Variants in SMC2 observed in about 807,000 individuals in gnomAD.
SMC2 encodes the protein structural maintenance of chromosomes protein 2.
A neutral mutation model predicts 142.6 loss-of-function variants in SMC2; 41 were observed. That is an observed-to-expected ratio of 0.29 (90% CI 0.22 to 0.37). SMC2 has a LOEUF of 0.37. SMC2 is among the 10% of genes least tolerant of loss of function. The pLI is 1.00. For missense variants in SMC2, 1,265 were observed against 1,373.7 expected, an observed-to-expected ratio of 0.92 and a Z score of 1.25; for synonymous variants, 463 against 457.5, an observed-to-expected ratio of 1.01 and a Z score of -0.15.
upstream of SMC2, among the ~76,000 whole-genome samples, chr9:104,093,902 C>T (rs141705043): frequency 8.5e-5 from 13 of 152,342 alleles, no homozygotes; most frequent in East Asian, 2.5e-3. Flanking sequence ...CCGACGAGAA[C>T]ACTCATAGAA....
rs769337879 is a variant in SMC2, at chr9:104,095,422, C to T, written c.38C>T (p.Ser13Phe). Residue 13 changes from serine (S) to phenylalanine (F), a missense_variant, in exon 2 of 25, where the codon TCC (serine) becomes TTC (phenylalanine). This residue lies in a region of SMC2 where 168 missense variants were observed against 184.8 expected (regional missense o/e 0.91). Coordinates refer to ENST00000374793, the MANE Select transcript of SMC2 (RefSeq NM_006444.3). ...IKSIILEGFKSYAQRTEVNGF... is the reference protein window; with the variant it reads ...IKSIILEGFKFYAQRTEVNGF... ...TCAATTATTCTAGAGGGATTCAAGTCCTATGCTCAGAGGACCGAAGTCAAT... is the reference window on the plus strand; with the variant it reads ...TCAATTATTCTAGAGGGATTCAAGTTCTATGCTCAGAGGACCGAAGTCAAT... 1 of 1,613,738 alleles carries T rather than the reference C, an allele frequency of 6.2e-7. No individual in the cohort carries two copies. Among genetic ancestry groups the T allele is most frequent in the Non-Finnish European group, 8.5e-7 (1 of 1,179,952 alleles).
chr9:104,127,290 C>A lies in SMC2; in HGVS notation c.2600C>A (p.Ser867Ter). The change falls in exon 20 of 25, where the codon TCA becomes TAA. Residue 867 changes from serine (S) to a stop codon, truncating the protein, a stop_gained. Transcript: ENST00000374793. LOFTEE classifies it high-confidence loss of function. ...MAAEVAKNKE[S>*]VNKAQEEVTK... is the part of the protein sequence containing the mutation. ...TCTTTAATTTTTTTGTTTTAGGAGT[C>A]AGTAAATAAAGCTCAAGAAGAGGTG... is the stretch of plus-strand genomic sequence containing the variant. 2 of 1,563,820 alleles carry A rather than the reference C, an allele frequency of 1.3e-6. No individual in the cohort carries two copies. The highest frequency in any genetic ancestry group is 1.2e-5 in the South Asian group (1 of 83,386).
intron 10 of SMC2, among the ~76,000 whole-genome samples, chr9:104,112,844 TCTG>T (rs1832637247): frequency 6.6e-6 from 1 of 152,190 alleles, no homozygotes; most frequent in Admixed American, 6.5e-5. Flanking sequence ...TTTAAGTTTC[TCTG>T]TCAGTTTAGC....
chr9:104,102,458 C>G lies in SMC2; in HGVS notation c.905C>G (p.Ala302Gly), dbSNP rs1185888119. Residue 302 changes from alanine to glycine, a missense_variant, in exon 9 of 25, where the codon GCT (alanine) becomes GGT (glycine). By Grantham distance (60) the Ala-to-Gly change is moderately conservative. This residue lies in a region of SMC2 where 898 missense variants were observed against 904.2 expected (regional missense o/e 0.99). Transcript: ENST00000374793. ...TGGILRSLEDALAEAQRVNTK... is the reference protein window; with the variant it reads ...TGGILRSLEDGLAEAQRVNTK... ...GGTATACTTCGATCTTTAGAAGATG[C>G]TCTTGCAGAGGCTCAGCGAGTTAAT... The G allele has an allele frequency of 6.2e-7, 1 of 1,611,630 alleles. No homozygotes were observed. Among genetic ancestry groups the G allele is most frequent in the Admixed American group, 1.7e-5 (1 of 59,440 alleles).
At chr9:104,128,150 T>C (rs1247853194) in intron 20 of SMC2, among the ~76,000 whole-genome samples, 1 of 152,208 alleles carries the variant, frequency 6.6e-6, no homozygotes, top group Non-Finnish European at 1.5e-5. Flanking sequence ...TGGCACCTTT[T>C]TAATGTCCAG....
At chr9:104,109,905 G>T (rs1160951474) in intron 9 of SMC2, among the ~76,000 whole-genome samples, 1 of 152,138 alleles carries the variant, frequency 6.6e-6, no homozygotes, top group African/African-American at 2.4e-5. Context: ...ATTCATAGTT[G>T]AGAGAAATGT....
intron 23 of SMC2, among the ~76,000 whole-genome samples, chr9:104,137,302 T>C (rs1453831099): frequency 6.6e-6 from 1 of 152,136 alleles, no homozygotes; most frequent in Non-Finnish European, 1.5e-5. Flanking sequence ...ATAAGGCTTT[T>C]TATGAATTAT....
intron 23 of SMC2, among the ~76,000 whole-genome samples, chr9:104,136,755 CTTTTTTTTT>C: frequency 8.3e-6 from 1 of 119,850 alleles, no homozygotes; most frequent in Non-Finnish European, 1.8e-5. Flanking sequence ...CTGTTTTATT[CTTTTTTTTT>C]TTTTTTTTGG....
chr9:104,136,402 T>G, intron 23 of SMC2, among the ~76,000 whole-genome samples: 1 of 152,132 alleles, frequency 6.6e-6, no homozygotes, highest in East Asian at 1.9e-4. Flanking sequence ...AAAAATTGGA[T>G]TCCACAGTTT....
intron 9 of SMC2, among the ~76,000 whole-genome samples, chr9:104,110,344 T>G (rs1306019629): frequency 6.6e-6 from 1 of 152,200 alleles, no homozygotes; most frequent in East Asian, 1.9e-4. Flanking sequence ...AATATAAACT[T>G]ATCGCATCAA....
At chr9:104,094,061 G>A (rs1830177049), upstream of SMC2, among the ~76,000 whole-genome samples, 2 of 152,166 alleles carry the variant, frequency 1.3e-5, no homozygotes, top group African/African-American at 2.4e-5. Context: ...GAGGACCCGG[G>A]GCCGAGGTGT....
At chr9:104,098,623 T>C in intron 4 of SMC2, 55 bp downstream of exon 4, 5 of 1,514,802 alleles carry the variant, frequency 3.3e-6, no homozygotes, top group Non-Finnish European at 3.6e-6. Flanking sequence ...CATTTTTTAC[T>C]TTTAAGCAAT....
chr9:104,102,632 T>C, intron 9 of SMC2, 59 bp downstream of exon 9: 1 of 1,480,728 alleles, frequency 6.8e-7, no homozygotes, highest in Non-Finnish European at 9.1e-7. Flanking sequence ...GTCTCATTAG[T>C]GTACATTTAT....
chr9:104,118,421 G>A (rs1833370338), intron 15 of SMC2, 46 bp downstream of exon 15: 6 of 1,483,440 alleles, frequency 4.0e-6, no homozygotes, highest in Non-Finnish European at 5.6e-6. Context: ...GTGGTAAATA[G>A]GAAGATGCCT....
rs1321727926 is a variant in SMC2, at chr9:104,127,378, G to A, written c.2688G>A (p.Val896=). 1 of 1,613,674 alleles carries A rather than the reference G, an allele frequency of 6.2e-7. No individual in the cohort carries two copies. Among genetic ancestry groups the A allele is most frequent in the East Asian group, 2.2e-5 (1 of 44,856 alleles). The change falls in exon 20 of 25, where the codon GTG becomes GTA. Residue 896 remains valine (V), a synonymous_variant. Transcript: ENST00000374793. ...TAATTAAAGCTAAATATGCAGAAGT[G>A]GCAAAACACAAGGAGCAAAACAATG... ...DTVIKAKYAE[V]AKHKEQNNDS...
At chr9:104,134,061 T>C (rs1305053712) in intron 22 of SMC2, among the ~76,000 whole-genome samples, 9 of 152,158 alleles carry the variant, frequency 5.9e-5, no homozygotes, top group African/African-American at 2.2e-4. Context: ...CAGTGTGTTC[T>C]ACAAAAGTGT....
chr9:104,135,865 C>G (rs1189947705), intron 23 of SMC2: 3 of 518,680 alleles, frequency 5.8e-6, no homozygotes, highest in South Asian at 4.2e-5. Flanking sequence ...GAATACTTTT[C>G]AGACAAAAAC....
chr9:104,109,623 G>C (rs1665160936), intron 9 of SMC2, among the ~76,000 whole-genome samples: 1 of 152,058 alleles, frequency 6.6e-6, no homozygotes. Flanking sequence ...GAAACAACAT[G>C]GTTTTGAACT....
intron 20 of SMC2, among the ~76,000 whole-genome samples, 159 bp from the exon 21 acceptor site, chr9:104,129,486 G>C (rs1834696865): frequency 1.3e-5 from 2 of 148,178 alleles, no homozygotes; most frequent in Admixed American, 6.7e-5. Flanking sequence ...TGGGCAACAA[G>C]AGTGAAACTC....
Sources: allele counts gnomAD v4.1 joint callset (sites outside exome capture counted in the v4.1 genomes callset), GRCh38; gene constraint gnomAD v4.1.1; regional missense constraint gnomAD v4.1.1; transcripts MANE v1.5; gene names NCBI Gene and HGNC (gene_info 2026-07-23, HGNC 2026-07-21).